POU2AF1: variants seen among roughly 807,000 people sequenced by gnomAD.
The protein encoded by POU2AF1 is POU class 2 homeobox associating factor 1.
In POU2AF1, 12 loss-of-function variants were observed where a neutral mutation model predicts 26.3. That is an observed-to-expected ratio of 0.46 (90% CI 0.29 to 0.74). The LOEUF is 0.74. POU2AF1 is among the 30% of genes least tolerant of loss of function. The pLI is 0.09. For missense variants in POU2AF1, 297 were observed against 334.5 expected, an observed-to-expected ratio of 0.89 and a Z score of 0.87; for synonymous variants, 175 against 148.0, an observed-to-expected ratio of 1.18 and a Z score of -1.32.
chr11:111,373,596 C>T (rs1394008129), intron 1 of POU2AF1, among the ~76,000 whole-genome samples: 5 of 152,184 alleles, frequency 3.3e-5, no homozygotes. Context: ...GGCAAAGAAC[C>T]TCAATCAAGT....
At chr11:111,371,715 T>C (rs1861212571) in intron 1 of POU2AF1, among the ~76,000 whole-genome samples, 1 of 152,078 alleles carries the variant, frequency 6.6e-6, no homozygotes, top group Non-Finnish European at 1.5e-5. Flanking sequence ...AAAATAATAA[T>C]AGCAACTAAT....
At position 111,353,227 on chromosome 11, in the gene POU2AF1, A is replaced by C; in HGVS notation, c.*1034T>G. On this transcript the variant is annotated 3_prime_UTR_variant, in exon 5 of 5. Coordinates refer to ENST00000393067, the MANE Select transcript of POU2AF1 (RefSeq NM_006235.3). The stretch of plus-strand genomic sequence containing the variant: ...CAACAGCCCAACTTCCCTTGCACGT[A>C]TCCTCAAGGAGAGCAGCAAAACCAT... 4.3e-6 allele frequency: 1 copy of C among 233,122 alleles called. No homozygotes were observed. The highest frequency in any genetic ancestry group is 8.5e-6 in the Non-Finnish European group (1 of 117,922). 14.4% of individuals were successfully genotyped at this position (233,122 alleles called of 1,614,324 possible).
At chr11:111,367,599 T>C (rs77531882) in intron 1 of POU2AF1, among the ~76,000 whole-genome samples, 2 of 136,186 alleles carry the variant, frequency 1.5e-5, no homozygotes, top group Non-Finnish European at 3.3e-5. Flanking sequence ...CCCATTTTTT[T>C]CTCTGAGCGA....
At position 111,358,350 on chromosome 11, in the gene POU2AF1, ACT is replaced by A. The variant is rs1565360528; in HGVS notation, c.147+436_147+437del. On this transcript the variant is annotated intron_variant, in intron 2 of 4. Transcript: ENST00000393067. ...CTCTCACACACTCTCACACTCTCAC[ACT>A]CACACTCTCACACACTCACACACTC... 7.1e-3 allele frequency among the ~76,000 whole-genome samples: 228 copies of A among 31,980 alleles called. 2 individuals carry two copies. The highest frequency in any genetic ancestry group is 0.011 in the African/African-American group (201 of 18,314). The allele number at this position is 31,980 out of a possible 152,430, so 21.0% of individuals were successfully genotyped here. A position where few individuals can be genotyped will look rare whatever the true frequency, so the allele number is the denominator to read the frequency against.
intron 2 of POU2AF1, 23 bp downstream of exon 2, chr11:111,358,765 C>G (rs187584916): frequency 1.3e-6 from 2 of 1,558,408 alleles, no homozygotes; most frequent in Non-Finnish European, 1.7e-6. Flanking sequence ...CACACTCACA[C>G]TCTCACACAC....
At chr11:111,370,002 A>G (rs1362648088) in intron 1 of POU2AF1, among the ~76,000 whole-genome samples, 1 of 152,174 alleles carries the variant, frequency 6.6e-6, no homozygotes. Flanking sequence ...TTTTCCTGAG[A>G]CCATCATGTA....
chr11:111,358,366 ACT>A (rs1473451053), intron 2 of POU2AF1, among the ~76,000 whole-genome samples: 16 of 106,250 alleles, frequency 1.5e-4, no homozygotes, highest in African/African-American at 4.7e-4. Flanking sequence ...ACTCTCACAC[ACT>A]CACACACTCT....
intron 1 of POU2AF1, among the ~76,000 whole-genome samples, chr11:111,378,742 A>G (rs1293124549): frequency 6.6e-6 from 1 of 152,178 alleles, no homozygotes; most frequent in Middle Eastern, 3.2e-3. Context: ...AATTCAACAG[A>G]AGGCTGAAGA....
At chr11:111,378,983 C>A (rs545831737) in intron 1 of POU2AF1, among the ~76,000 whole-genome samples, 179 bp downstream of exon 1, 1 of 152,184 alleles carries the variant, frequency 6.6e-6, no homozygotes, top group South Asian at 2.1e-4. Context: ...AGGCTGGTTT[C>A]TCCACCAGGC....
intron 1 of POU2AF1, among the ~76,000 whole-genome samples, chr11:111,366,671 C>T (rs775558647): frequency 1.2e-4 from 18 of 152,168 alleles, no homozygotes; most frequent in Non-Finnish European, 2.1e-4. Flanking sequence ...AACCAGGGTC[C>T]ACGGTCACTG....
chr11:111,364,326 A>T (rs574707558), intron 1 of POU2AF1: 3 of 152,374 alleles, frequency 2.0e-5, no homozygotes, highest in African/African-American at 7.2e-5. Context: ...ACTGATTTAA[A>T]TAAATATGGT....
At chr11:111,356,201 T>C (rs1466347005) in intron 4 of POU2AF1, among the ~76,000 whole-genome samples, 1 of 152,198 alleles carries the variant, frequency 6.6e-6, no homozygotes, top group East Asian at 1.9e-4. Flanking sequence ...TCCTTGGTAA[T>C]GAAATGGGTG....
At chr11:111,375,645 C>T (rs1054384601) in intron 1 of POU2AF1, among the ~76,000 whole-genome samples, 2 of 152,070 alleles carry the variant, frequency 1.3e-5, no homozygotes, top group South Asian at 4.2e-4. Context: ...GTGATCTGCC[C>T]GCCTTGGCCT....
In POU2AF1 at chr11:111,357,339, A is replaced by G. The variant is rs1037845425; in HGVS notation, c.456+106T>C. 1.4e-5 allele frequency: 21 copies of G among 1,499,076 alleles called. No homozygotes were observed. In the Admixed American group the frequency reaches 1.7e-4, roughly 12 times the overall value. 92.9% of individuals were successfully genotyped at this position (1,499,076 alleles called of 1,614,324 possible). Reference sequence around the variant, plus strand: ...CAAGGCGAGCTCTGATGACCTGATTATCTTGAGAATCAATAGCAAGGAAGA... The same window carrying G: ...CAAGGCGAGCTCTGATGACCTGATTGTCTTGAGAATCAATAGCAAGGAAGA... On this transcript the variant is annotated intron_variant, in intron 4 of 4. Transcript: ENST00000393067.
chr11:111,359,142 A>G, intron 1 of POU2AF1: 1 of 696,090 alleles, frequency 1.4e-6, no homozygotes, highest in Non-Finnish European at 2.3e-6. Context: ...TCCTTGTCCT[A>G]GAATTGGACA....
Position 111,353,342 on chromosome 11 carries a change from T to C in POU2AF1, c.*919A>G. ...GTCATTCCTCAGCCTTCCTCCTCCC[T>C]GCATCAAACTCAAGCTTCCTCCCAC... On this transcript the variant is annotated 3_prime_UTR_variant, in exon 5 of 5. Transcript: ENST00000393067. 1 of 234,002 alleles carries C rather than the reference T, an allele frequency of 4.3e-6. No homozygotes were observed. Among genetic ancestry groups the C allele is most frequent in the Non-Finnish European group, 8.4e-6 (1 of 118,424 alleles). The allele number at this position is 234,002 out of a possible 1,614,324, so 14.5% of individuals were successfully genotyped here.
intron 1 of POU2AF1, among the ~76,000 whole-genome samples, chr11:111,369,341 C>T (rs756703944): frequency 6.6e-6 from 1 of 152,138 alleles, no homozygotes; most frequent in Non-Finnish European, 1.5e-5. Flanking sequence ...AATGAAAAAC[C>T]TTGGATATTT....
intron 4 of POU2AF1, among the ~76,000 whole-genome samples, chr11:111,355,866 G>C (rs1011722092): frequency 6.6e-6 from 1 of 152,172 alleles, no homozygotes; most frequent in Non-Finnish European, 1.5e-5. Flanking sequence ...CCCCATCCCA[G>C]TGTCCTGAAA....
chr11:111,364,116 A>C, intron 1 of POU2AF1: 1 of 478,126 alleles, frequency 2.1e-6, no homozygotes, highest in Non-Finnish European at 2.7e-6. Context: ...AGGTACAAAA[A>C]GTCAGCAGAG....
Sources: allele counts gnomAD v4.1 joint callset (sites outside exome capture counted in the v4.1 genomes callset), GRCh38; gene constraint gnomAD v4.1.1; transcripts MANE v1.5; gene names NCBI Gene and HGNC (gene_info 2026-07-23, HGNC 2026-07-21).